The following ARHGAP21 variants were observed in gnomAD, a reference collection of about 807,000 sequenced individuals.
ARHGAP21 encodes Rho GTPase activating protein 21.
A neutral mutation model predicts 164.6 loss-of-function variants in ARHGAP21; 38 were observed. The ratio of observed to expected loss-of-function variants is 0.23; its 90% CI spans 0.18 to 0.30. The LOEUF (loss-of-function observed/expected upper bound fraction) is 0.30. Among genes scored for constraint, ARHGAP21 ranks in the 10% least tolerant of loss-of-function variants. The pLI is 1.00. For missense variants in ARHGAP21, 1,822 were observed against 2,370.7 expected (o/e 0.77, Z 4.81); for synonymous variants, 766 against 857.9 (o/e 0.89, Z 1.87).
chr10:24,686,947 G>A (rs981948410), intron 2 of ARHGAP21, among the ~76,000 whole-genome samples: 1 of 152,228 alleles, frequency 6.6e-6, no homozygotes, highest in African/African-American at 2.4e-5. Context: ...CACTTTGGGA[G>A]ACTGAGGCAG....
intron 2 of ARHGAP21, 106 bp downstream of exon 2, chr10:24,721,731 C>G (rs1845960771): frequency 7.5e-7 from 1 of 1,329,364 alleles, no homozygotes; most frequent in African/African-American, 1.5e-5. Context: ...GCTCAAAGCC[C>G]CGGGAAGCCC....
At chr10:24,720,995 A>G (rs903407627) in intron 2 of ARHGAP21, among the ~76,000 whole-genome samples, 2 of 67,988 alleles carry the variant, frequency 2.9e-5, no homozygotes, top group African/African-American at 1.6e-4. Flanking sequence ...AAACACGAGG[A>G]AAAAAAAAAA....
At chr10:24,612,902 CCTTT>C (rs950476367) in intron 9 of ARHGAP21, among the ~76,000 whole-genome samples, 18 of 151,870 alleles carry the variant, frequency 1.2e-4, no homozygotes, top group African/African-American at 4.4e-4. Context: ...TGACAAATAT[CCTTT>C]CTTTTTATTT....
intron 2 of ARHGAP21, among the ~76,000 whole-genome samples, chr10:24,708,719 T>C (rs575806891): frequency 2.9e-4 from 44 of 152,324 alleles, no homozygotes; most frequent in South Asian, 6.2e-4. Flanking sequence ...TAAGATAATG[T>C]CCTCCAGTTC....
chr10:24,639,551 C>T (rs1836773409), intron 4 of ARHGAP21, among the ~76,000 whole-genome samples: 3 of 151,974 alleles, frequency 2.0e-5, no homozygotes, highest in African/African-American at 4.8e-5. Flanking sequence ...CCTGTCACAT[C>T]GCAAGTGAGC....
chr10:24,611,748 C>T (rs2077272747), intron 9 of ARHGAP21, among the ~76,000 whole-genome samples: 2 of 151,872 alleles, frequency 1.3e-5, no homozygotes, highest in African/African-American at 2.4e-5. Context: ...AAAAGAAAAA[C>T]TCACTCTTGA....
chr10:24,649,767 G>T (rs1837969089), intron 4 of ARHGAP21, among the ~76,000 whole-genome samples: 1 of 148,440 alleles, frequency 6.7e-6, no homozygotes, highest in African/African-American at 2.5e-5. Flanking sequence ...ACAAACCAGA[G>T]AAAACAAACA....
At position 24,625,302 on chromosome 10, in the gene ARHGAP21, A is replaced by C. The variant is rs1411828260; in HGVS notation, c.496-2540T>G. ...ATGGTAAACAAAATGAAACAGAGAAAAAAAAAAAAAAAAAAAAAAAACCTG... is the reference window on the plus strand; with the variant it reads ...ATGGTAAACAAAATGAAACAGAGAACAAAAAAAAAAAAAAAAAAAAACCTG... On this transcript the variant is annotated intron_variant, in intron 7 of 25. Transcript: ENST00000396432. Among the ~76,000 whole-genome samples, 12 of 148,420 alleles carry C rather than the reference A, an allele frequency of 8.1e-5. 1 individual carries two copies. The highest frequency in any genetic ancestry group is 2.0e-4 in the East Asian group (1 of 5,116).
intron 2 of ARHGAP21, among the ~76,000 whole-genome samples, chr10:24,692,962 A>G (rs1476220131): frequency 1.3e-5 from 2 of 152,240 alleles, no homozygotes; most frequent in African/African-American, 4.8e-5. Flanking sequence ...CATTTCAAAG[A>G]TAATGCTGAG....
At chr10:24,603,984 C>T (rs912872712) in intron 12 of ARHGAP21, among the ~76,000 whole-genome samples, 1 of 132,214 alleles carries the variant, frequency 7.6e-6, no homozygotes, top group South Asian at 2.5e-4. Flanking sequence ...AAGGAAATTC[C>T]TGTCTAATAG....
Position 24,584,404 on chromosome 10 carries a change from C to T in ARHGAP21, c.*8G>A. On this transcript the variant is annotated 3_prime_UTR_variant, in exon 26 of 26. Transcript: ENST00000396432. ...TTTTTTACTTGCTAGAGTGGACATA[C>T]CCCCAGTTTAAAGACAGGGATGAAA... 1 of 1,584,628 alleles carries T rather than the reference C, an allele frequency of 6.3e-7. No homozygotes were observed.
intron 2 of ARHGAP21, among the ~76,000 whole-genome samples, chr10:24,711,670 G>C (rs1021387601): frequency 3.9e-5 from 6 of 152,092 alleles, no homozygotes; most frequent in African/African-American, 1.4e-4. Context: ...AACAAAACTA[G>C]GTGTCAAGGC....
intron 2 of ARHGAP21, among the ~76,000 whole-genome samples, chr10:24,712,115 C>T (rs913144244): frequency 6.6e-6 from 1 of 152,114 alleles, no homozygotes; most frequent in Non-Finnish European, 1.5e-5. Flanking sequence ...AGGGTTTTGC[C>T]ATGTTGGCCA....
In ARHGAP21 at chr10:24,599,252, G is replaced by A. The variant is rs1172993845; in HGVS notation, c.3133-1243C>T. On this transcript the variant is annotated intron_variant, in intron 14 of 25. Transcript: ENST00000396432. ...CAGTCTACTGCCTGAGAGAATGCCTGACACATAGTAGGTGCCTGTTACACA... is the reference window on the plus strand; with the variant it reads ...CAGTCTACTGCCTGAGAGAATGCCTAACACATAGTAGGTGCCTGTTACACA... 4.6e-5 allele frequency among the ~76,000 whole-genome samples: 7 copies of A among 152,314 alleles called. No individual in the cohort carries two copies. The South Asian group carries it at 1.0e-3, about 23-fold the overall frequency.
At chr10:24,705,018 T>C (rs1407094125) in intron 2 of ARHGAP21, among the ~76,000 whole-genome samples, 1 of 152,108 alleles carries the variant, frequency 6.6e-6, no homozygotes, top group Non-Finnish European at 1.5e-5. Flanking sequence ...AAAAAGCACT[T>C]TTGATATCGC....
intron 4 of ARHGAP21, among the ~76,000 whole-genome samples, chr10:24,637,724 G>A (rs1424025897): frequency 6.6e-6 from 1 of 152,140 alleles, no homozygotes; most frequent in Non-Finnish European, 1.5e-5. Context: ...CCATTGTAAA[G>A]TCAGACATAC....
chr10:24,631,858 A>G (rs1261189177), intron 6 of ARHGAP21, among the ~76,000 whole-genome samples: 9 of 152,060 alleles, frequency 5.9e-5, no homozygotes, highest in Admixed American at 3.3e-4. Flanking sequence ...CCTCCCAAGT[A>G]TCTGGGACAA....
At position 24,585,591 on chromosome 10, in the gene ARHGAP21, T is replaced by A. The variant is rs2135619565; in HGVS notation, c.4698A>T (p.Ser1566=). 1 of 1,614,194 alleles carries A rather than the reference T, an allele frequency of 6.2e-7. No individual in the cohort carries two copies. The highest frequency in any genetic ancestry group is 8.5e-7 in the Non-Finnish European group (1 of 1,180,038). ...CGCTATGTTTCGTTTCTGGACTGGT[T>A]GATTTCTTCATGGAAAACCTTGCCA... ...ASLARFSMKK[S]TSPETKHSEF... is the part of the protein sequence containing the mutation. Residue 1566 remains serine (S), a synonymous_variant, in exon 26 of 26, where the codon TCA becomes TCT. Transcript: ENST00000396432.
rs748172862 is a variant in ARHGAP21, at chr10:24,607,741, G to A, written c.2581+4C>T. On this transcript the variant is annotated splice_donor_region_variant and intron_variant, in intron 10 of 25. Coordinates refer to ENST00000396432, the MANE Select transcript of ARHGAP21 (RefSeq NM_020824.4). Reference sequence around the variant, plus strand: ...CGGTTTACAAAACCACCCTTTAGACGTACCGTGGTCATGTGAGAGCTGACG... The same window carrying A: ...CGGTTTACAAAACCACCCTTTAGACATACCGTGGTCATGTGAGAGCTGACG... The A allele has an allele frequency of 1.8e-5, 29 of 1,613,458 alleles. No homozygotes were observed. The highest frequency in any genetic ancestry group is 1.5e-4 in the African/African-American group (11 of 74,902).
Sources: allele counts gnomAD v4.1 joint callset (sites outside exome capture counted in the v4.1 genomes callset), GRCh38; gene constraint gnomAD v4.1.1; transcripts MANE v1.5; gene names NCBI Gene and HGNC (gene_info 2026-07-23, HGNC 2026-07-21).